Variants in NUP43 observed in about 807,000 individuals in gnomAD.
The protein encoded by NUP43 is nucleoporin Nup43.
Under a neutral mutation model 47.3 loss-of-function variants are expected in NUP43, and 32 were observed. The observed-to-expected ratio is 0.68, with a 90% CI of 0.51 to 0.91. The LOEUF (loss-of-function observed/expected upper bound fraction) is 0.91, where lower values mean the gene tolerates loss of function less well. Ranked by LOEUF, NUP43 falls within the 40% of genes least tolerant of loss-of-function variation. The pLI is 0.00. For synonymous variants in NUP43, 147 were observed against 158.4 expected (o/e 0.93, Z 0.54); for missense variants, 444 against 453.9 (o/e 0.98, Z 0.20).
rs1388212858 is a variant in NUP43, at chr6:149,727,071, G to A, written c.1041C>T (p.Pro347=). The change falls in exon 8 of 8, where the codon CCC becomes CCT. Residue 347 remains proline, a synonymous_variant. Coordinates refer to ENST00000340413, the MANE Select transcript of NUP43 (RefSeq NM_198887.3). ...KDRIEITSLL[P]SRSLSVNTLD... ...AAGTGTTCACAGACAGAGACCTACTGGGAAGTAAGCTTGTGATTTCAATTC... is the reference window on the plus strand; with the variant it reads ...AAGTGTTCACAGACAGAGACCTACTAGGAAGTAAGCTTGTGATTTCAATTC... 6.2e-7 allele frequency: 1 copy of A among 1,614,012 alleles called. No homozygotes were observed. The highest frequency in any genetic ancestry group is 8.5e-7 in the Non-Finnish European group (1 of 1,179,996).
rs889106979 is a variant in NUP43 at position 149,738,789 on chromosome 6, A to T, written c.503-11T>A. 2.0e-6 allele frequency: 3 copies of T among 1,468,776 alleles called. No homozygotes were observed. Among genetic ancestry groups the T allele is most frequent in the Non-Finnish European group, 9.0e-7 (1 of 1,107,794 alleles). The allele number at this position is 1,468,776 out of a possible 1,614,324, so 91.0% of individuals were successfully genotyped here. A position where few individuals can be genotyped will look rare whatever the true frequency, so the allele number is the denominator to read the frequency against. On this transcript the variant is annotated splice_polypyrimidine_tract_variant and intron_variant, in intron 4 of 7. Transcript: ENST00000340413. ...TACTATCTGCATTGTCTAAAAATTT[A>T]AAAAATGGTAGTATGTGTTAATGAG...
rs796749489 is a variant in NUP43 at position 149,726,513 on chromosome 6, A to G, written c.*456T>C. On this transcript the variant is annotated 3_prime_UTR_variant, in exon 8 of 8. Coordinates refer to ENST00000340413, the MANE Select transcript of NUP43 (RefSeq NM_198887.3). ...AGGAAATAAAGTGTGGAAGGATCAT[A>G]GGAAATACTTGCAATAAAAAGAATA... The G allele has an allele frequency of 5.9e-6, 1 of 168,364 alleles. No individual in the cohort carries two copies. The highest frequency in any genetic ancestry group is 1.5e-4 in the South Asian group (1 of 6,864). The allele number at this position is 168,364 out of a possible 1,614,324, so 10.4% of individuals were successfully genotyped here.
chr6:149,736,472 T>A lies in NUP43; in HGVS notation c.789A>T (p.Glu263Asp), dbSNP rs1239527298. The change falls in exon 6 of 8, where the codon GAA becomes GAT. Residue 263 changes from glutamate (E) to aspartate (D), a missense_variant and splice_region_variant. Glu to Asp is a conservative substitution (Grantham distance 45). Coordinates refer to ENST00000340413, the MANE Select transcript of NUP43 (RefSeq NM_198887.3). ...TTTCTGTATCTTCACAATACTTACT[T>A]TCAGCTTCATGAGCCTTCAGCAGAG... The part of the protein sequence containing the change: ...PVSLLKAHEA[E>D]MWEVHFHPSN... 3 of 1,576,040 alleles carry A rather than the reference T, an allele frequency of 1.9e-6. No homozygotes were observed. The East Asian group carries it at 6.8e-5, about 36-fold the overall frequency.
upstream of NUP43, among the ~76,000 whole-genome samples, chr6:149,748,603 A>G (rs1238211449): frequency 6.6e-6 from 1 of 151,846 alleles, no homozygotes; most frequent in Non-Finnish European, 1.5e-5. Flanking sequence ...AGGTCAGGAG[A>G]TCGAGACCAT....
intron 6 of NUP43, among the ~76,000 whole-genome samples, chr6:149,734,300 C>G (rs1255236364): frequency 2.0e-5 from 3 of 151,948 alleles, no homozygotes; most frequent in African/African-American, 7.3e-5. Flanking sequence ...CCACTGCACT[C>G]CAGCCTGGGC....
chr6:149,739,170 G>A (rs1212969523), intron 4 of NUP43, among the ~76,000 whole-genome samples: 1 of 152,082 alleles, frequency 6.6e-6, no homozygotes, highest in Non-Finnish European at 1.5e-5. Context: ...TAGAGACTGG[G>A]TTTCTCCATG....
In NUP43 at chr6:149,735,637, T is replaced by C. The variant is rs1035434838; in HGVS notation, c.790+834A>G. On this transcript the variant is annotated intron_variant, in intron 6 of 7. Coordinates refer to ENST00000340413, the MANE Select transcript of NUP43 (RefSeq NM_198887.3). The stretch of plus-strand genomic sequence containing the variant: ...AAAAAAAAACACACACAGAGATAAA[T>C]ATCTAAGGATTCTAACTACAGTTTT... Among the ~76,000 whole-genome samples the C allele has an allele frequency of 1.0e-4, 13 of 125,124 alleles. No individual in the cohort carries two copies. In the East Asian group the frequency reaches 1.8e-3, roughly 17 times the overall value. 82.1% of individuals were successfully genotyped at this position (125,124 alleles called of 152,430 possible). A position where few individuals can be genotyped will look rare whatever the true frequency, so the allele number is the denominator to read the frequency against.
chr6:149,736,759 G>A, intron 5 of NUP43, 137 bp from the exon 6 acceptor site: 4 of 675,950 alleles, frequency 5.9e-6, no homozygotes, highest in Non-Finnish European at 9.7e-6. Context: ...TGCAATCATT[G>A]CTTACTGTAG....
At chr6:149,738,279 G>A (rs961795093) in intron 5 of NUP43, among the ~76,000 whole-genome samples, 1 of 152,048 alleles carries the variant, frequency 6.6e-6, no homozygotes, top group Non-Finnish European at 1.5e-5. Context: ...ACGAGAGAAC[G>A]TTGTACACCT....
chr6:149,740,942 C>G (rs777655997), intron 4 of NUP43, among the ~76,000 whole-genome samples: 1 of 152,082 alleles, frequency 6.6e-6, no homozygotes, highest in Admixed American at 6.6e-5. Context: ...CTTTATCCTG[C>G]CTCTGGCCTA....
In NUP43 at chr6:149,731,742, G is replaced by C; in HGVS notation, c.791-7C>G. ...TGAAAGTGAACTTCCCACACTAAGA[G>C]ACAAGAATCAATAAGCTCATTCCTG... is the stretch of plus-strand genomic sequence containing the variant. On this transcript the variant is annotated splice_region_variant and splice_polypyrimidine_tract_variant and intron_variant, in intron 6 of 7. Transcript: ENST00000340413. 1 of 1,613,182 alleles carries C rather than the reference G, an allele frequency of 6.2e-7. No homozygotes were observed. Among genetic ancestry groups the C allele is most frequent in the Non-Finnish European group, 8.5e-7 (1 of 1,179,618 alleles).
rs1784775587 is a variant in NUP43 at position 149,725,966 on chromosome 6, GA to G, written c.*1002del. The G allele has an allele frequency of 6.6e-6, 1 of 152,108 alleles. No individual in the cohort carries two copies. 9.4% of individuals were successfully genotyped at this position (152,108 alleles called of 1,614,324 possible). A position where few individuals can be genotyped will look rare whatever the true frequency, so the allele number is the denominator to read the frequency against. On this transcript the variant is annotated 3_prime_UTR_variant, in exon 8 of 8. Coordinates refer to ENST00000340413, the MANE Select transcript of NUP43 (RefSeq NM_198887.3). ...TGGAAATAGTTTGCTTATCAATATAGAATTCTACTTTATTGCACAATGTCCA... is the reference window on the plus strand; with the variant it reads ...TGGAAATAGTTTGCTTATCAATATAGATTCTACTTTATTGCACAATGTCCA...
chr6:149,732,904 CTTATT>C (rs759655512), intron 6 of NUP43, among the ~76,000 whole-genome samples: 7 of 151,662 alleles, frequency 4.6e-5, no homozygotes, highest in Non-Finnish European at 1.0e-4. Flanking sequence ...TATGAAAAAG[CTTATT>C]TTATTTTATT....
chr6:149,728,208 G>A, intron 7 of NUP43: 1 of 983,596 alleles, frequency 1.0e-6, no homozygotes, highest in Non-Finnish European at 1.2e-6. Flanking sequence ...CTTAAGAGCA[G>A]GATGCATATT....
At chr6:149,733,122 T>C (rs1011046357) in intron 6 of NUP43, among the ~76,000 whole-genome samples, 4 of 152,052 alleles carry the variant, frequency 2.6e-5, no homozygotes, top group Admixed American at 1.3e-4. Context: ...GTGTCATTAA[T>C]ATATGAAGAT....
At chr6:149,728,118 T>C in intron 7 of NUP43, 1 of 985,402 alleles carries the variant, frequency 1.0e-6, no homozygotes, top group Non-Finnish European at 1.2e-6. Flanking sequence ...AGCACTTGTA[T>C]GTACCATTAA....
At chr6:149,727,398 G>T in intron 7 of NUP43, 200 bp from the exon 8 acceptor site, 2 of 983,984 alleles carry the variant, frequency 2.0e-6, no homozygotes, top group South Asian at 9.4e-5. Flanking sequence ...AAATTTCCAT[G>T]GGATAATATG....
chr6:149,743,952 T>C (rs1445381545), intron 2 of NUP43, among the ~76,000 whole-genome samples: 2 of 152,216 alleles, frequency 1.3e-5, no homozygotes, highest in Non-Finnish European at 2.9e-5. Flanking sequence ...TGATTTAATT[T>C]GGGACCAACA....
chr6:149,734,992 A>G (rs915852552), intron 6 of NUP43, among the ~76,000 whole-genome samples: 1 of 152,122 alleles, frequency 6.6e-6, no homozygotes, highest in Non-Finnish European at 1.5e-5. Flanking sequence ...TTATTAACAA[A>G]TATGACAGCC....
Sources: gnomAD v4.1 joint callset for allele counts (sites outside exome capture counted in the v4.1 genomes callset) on GRCh38, gnomAD v4.1.1 for gene constraint, MANE v1.5 for transcripts, NCBI Gene and HGNC (gene_info 2026-07-23, HGNC 2026-07-21) for gene names.